FERMT3: variants seen among roughly 807,000 people sequenced by gnomAD.
FERMT3 encodes FERM domain containing kindlin 3.
FERMT3 carries 33 observed loss-of-function variants against 80.8 expected under a neutral mutation model. The ratio of observed to expected loss-of-function variants is 0.41; its 90% confidence interval spans 0.31 to 0.55. The LOEUF (loss-of-function observed/expected upper bound fraction) is 0.55. Among genes scored for constraint, FERMT3 ranks in the 20% least tolerant of loss-of-function variants. The pLI is 0.31. For synonymous variants in FERMT3, 375 were observed against 372.2 expected, an observed-to-expected ratio of 1.01 and a Z score of -0.09; for missense variants, 754 against 908.7, an observed-to-expected ratio of 0.83 and a Z score of 2.19.
chr11:64,221,439 G>C lies in FERMT3; in HGVS notation c.1670+299G>C, dbSNP rs138864042. On this transcript the variant is annotated intron_variant, in intron 13 of 14. Coordinates refer to ENST00000345728, the MANE Select transcript of FERMT3 (RefSeq NM_031471.6). ...AACCCAGGAGTTTGAGACCAGCCTG[G>C]GCAACACAGAAAGTCCCTCGTCTCT... Among the ~76,000 whole-genome samples, 617 of 151,916 alleles carry C rather than the reference G, an allele frequency of 4.1e-3. 2 individuals are homozygous for C. The highest frequency in any genetic ancestry group is 0.014 in the African/African-American group (595 of 41,412).
chr11:64,211,573 C>A lies in FERMT3; in HGVS notation c.684-72C>A. On this transcript the variant is annotated intron_variant, in intron 5 of 14. Transcript: ENST00000345728. The surrounding 1 kb of genome is among the most constrained non-coding windows in gnomAD (Gnocchi z 4.7). The stretch of plus-strand genomic sequence containing the variant: ...TTTTCTCTGTGTGTGCTTGTCCCCC[C>A]AGCCCAGCCCCCCTCCCCACCCCAC... 2.6e-6 allele frequency: 4 copies of A among 1,537,950 alleles called. No individual in the cohort carries two copies. The highest frequency in any genetic ancestry group is 1.9e-5 in the Admixed American group (1 of 52,904).
At chr11:64,221,993 C>T (rs1256027549) in intron 13 of FERMT3, among the ~76,000 whole-genome samples, 2 of 151,904 alleles carry the variant, frequency 1.3e-5, no homozygotes, top group East Asian at 3.9e-4. Flanking sequence ...AATCCTTGCA[C>T]TTTGGGAGAC....
In FERMT3 at chr11:64,207,422, G is replaced by A; in HGVS notation, c.58G>A (p.Val20Met). The change falls in exon 2 of 15, where the codon GTG (valine) becomes ATG (methionine). Residue 20 changes from valine (V) to methionine (M), a missense_variant. Val to Met is a conservative substitution (Grantham distance 21). Transcript: ENST00000345728. ...DYIDSSWELR[V>M]FVGEEDPEAE... ...CATCGACTCGTCATGGGAGCTGCGG[G>A]TGTTTGTGGGAGAGGAGGACCCAGA... 1 of 1,614,200 alleles carries A rather than the reference G, an allele frequency of 6.2e-7. No homozygotes were observed. Among genetic ancestry groups the A allele is most frequent in the South Asian group, 1.1e-5 (1 of 91,092 alleles).
chr11:64,209,702 G>A (rs1946394748), intron 2 of FERMT3, among the ~76,000 whole-genome samples: 1 of 152,202 alleles, frequency 6.6e-6, no homozygotes, highest in African/African-American at 2.4e-5. Context: ...GGCATGTGCA[G>A]CAGTGGGGTT....
At chr11:64,208,351 A>G (rs1728821438) in intron 2 of FERMT3, among the ~76,000 whole-genome samples, 1 of 152,154 alleles carries the variant, frequency 6.6e-6, no homozygotes, top group Admixed American at 6.5e-5. Context: ...GAGGGTGGTG[A>G]AGACCTGGGT....
At position 64,222,974 on chromosome 11, in the gene FERMT3, G is replaced by A. The variant is rs147320753; in HGVS notation, c.1671-74G>A. On this transcript the variant is annotated intron_variant, in intron 13 of 14. Transcript: ENST00000345728. ...TCGGGAAGGGCTGGCTCTCCAGCAC[G>A]GCGCCACATTGTCTGGGCGGGCTCT... The A allele has an allele frequency of 2.9e-4, 459 of 1,595,304 alleles. 1 individual carries two copies. Among genetic ancestry groups the A allele is most frequent in the Admixed American group, 8.0e-4 (48 of 59,752 alleles).
chr11:64,220,951 G>C (rs1946668268), intron 12 of FERMT3, 65 bp from the exon 13 acceptor site: 1 of 1,585,710 alleles, frequency 6.3e-7, no homozygotes, highest in South Asian at 1.1e-5. Context: ...TGGGGAGGTG[G>C]GGGCTCGGTG....
rs201857518 is a variant in FERMT3 at position 64,219,959 on chromosome 11, A to C, written c.1148A>C (p.Tyr383Ser). 11 of 1,613,780 alleles carry C rather than the reference A, an allele frequency of 6.8e-6. No homozygotes were observed. Among genetic ancestry groups the C allele is most frequent in the Non-Finnish European group, 9.3e-6 (11 of 1,179,964 alleles). ...GTGTTCAAGGAGACCACACTGTCCT[A>C]CTACAAGAGCCAGGACGAGGCCCCT... ...WVVFKETTLS[Y>S]YKSQDEAPGD... The change falls in exon 10 of 15, where the codon TAC (tyrosine) becomes TCC (serine). Residue 383 changes from tyrosine to serine, a missense_variant. Coordinates refer to ENST00000345728, the MANE Select transcript of FERMT3 (RefSeq NM_031471.6). The surrounding 1 kb of genome is among the most constrained non-coding windows in gnomAD (Gnocchi z 4.0).
At position 64,220,480 on chromosome 11, in the gene FERMT3, C is replaced by T; in HGVS notation, c.1356C>T (p.Ser452=). Residue 452 remains serine, a synonymous_variant, in exon 12 of 15, where the codon TCC becomes TCT. Transcript: ENST00000345728. ...ARWMAGCRLA[S]KGRTMADSSY... ...GGATGGCTGGCTGCCGCCTGGCCTC[C>T]AAAGGCCGCACCATGGCCGACAGCA... 1 of 1,609,646 alleles carries T rather than the reference C, an allele frequency of 6.2e-7. No homozygotes were observed. The highest frequency in any genetic ancestry group is 8.5e-7 in the Non-Finnish European group (1 of 1,178,546).
At chr11:64,214,189 G>A (rs1216821032) in intron 6 of FERMT3, among the ~76,000 whole-genome samples, 2 of 49,702 alleles carry the variant, frequency 4.0e-5, no homozygotes, top group East Asian at 1.0e-3. Context: ...TTTTTTTTGA[G>A]ATGAGTTTTG....
chr11:64,222,586 G>A (rs916973815), intron 13 of FERMT3, among the ~76,000 whole-genome samples: 13 of 138,706 alleles, frequency 9.4e-5, no homozygotes, highest in East Asian at 2.0e-4. Flanking sequence ...AAAAAAAAAA[G>A]AGATTTCAGG....
Position 64,211,459 on chromosome 11 carries a change from A to G in FERMT3, c.683+16A>G. 1 of 1,572,100 alleles carries G rather than the reference A, an allele frequency of 6.4e-7. No homozygotes were observed. The highest frequency in any genetic ancestry group is 8.6e-7 in the Non-Finnish European group (1 of 1,163,520). On this transcript the variant is annotated intron_variant, in intron 5 of 14. Coordinates refer to ENST00000345728, the MANE Select transcript of FERMT3 (RefSeq NM_031471.6). This position sits in a 1 kb window ranked among gnomAD's most constrained non-coding sequence, Gnocchi z 4.7. The stretch of plus-strand genomic sequence containing the variant: ...TCCACAGCAGGTGCACCCAGGAGCC[A>G]CGCCCCCTGTGTCAGGGCTCCCCCA...
rs1262271325 is a variant in FERMT3 at position 64,211,551 on chromosome 11, T to C, written c.684-94T>C. On this transcript the variant is annotated intron_variant, in intron 5 of 14. Coordinates refer to ENST00000345728, the MANE Select transcript of FERMT3 (RefSeq NM_031471.6). The surrounding 1 kb of genome is among the most constrained non-coding windows in gnomAD (Gnocchi z 4.7). ...ATCCACACTTCGTTTCCAGGCCTTT[T>C]CTCTGTGTGTGCTTGTCCCCCCAGC... 3 of 1,509,262 alleles carry C rather than the reference T, an allele frequency of 2.0e-6. No homozygotes were observed. Among genetic ancestry groups the C allele is most frequent in the Non-Finnish European group, 2.7e-6 (3 of 1,116,050 alleles). 93.5% of individuals were successfully genotyped at this position (1,509,262 alleles called of 1,614,324 possible).
At chr11:64,215,534 C>T (rs1946531554) in intron 6 of FERMT3, among the ~76,000 whole-genome samples, 1 of 152,132 alleles carries the variant, frequency 6.6e-6, no homozygotes, top group Non-Finnish European at 1.5e-5. Flanking sequence ...TCATAAACAG[C>T]AGCTCTTTAT....
intron 6 of FERMT3, among the ~76,000 whole-genome samples, chr11:64,216,948 A>G (rs1946565951): frequency 6.6e-6 from 1 of 151,840 alleles, no homozygotes; most frequent in Non-Finnish European, 1.5e-5. Flanking sequence ...CTTGGTCTCT[A>G]TGGTTCACTC....
chr11:64,216,317 C>T (rs1386960310), intron 6 of FERMT3, among the ~76,000 whole-genome samples: 1 of 151,304 alleles, frequency 6.6e-6, no homozygotes, highest in Non-Finnish European at 1.5e-5. Context: ...CTGCCTCAGC[C>T]TTCCGAGCAG....
At position 64,216,231 on chromosome 11, in the gene FERMT3, C is replaced by T. The variant is rs1336201748; in HGVS notation, c.787-3020C>T. Among the ~76,000 whole-genome samples, 16 of 134,028 alleles carry T rather than the reference C, an allele frequency of 1.2e-4. No individual in the cohort carries two copies. In the East Asian group the frequency reaches 3.4e-3, roughly 28 times the overall value. 87.9% of individuals were successfully genotyped at this position (134,028 alleles called of 152,430 possible). A position where few individuals can be genotyped will look rare whatever the true frequency, so the allele number is the denominator to read the frequency against. On this transcript the variant is annotated intron_variant, in intron 6 of 14. Transcript: ENST00000345728. The stretch of plus-strand genomic sequence containing the variant: ...TTTTTTTTTGAGATGGAGTCTTCTT[C>T]TGTCACCCAGGCTGGAGTGCAATGG...
chr11:64,211,852 G>A lies in FERMT3; in HGVS notation c.786+105G>A, dbSNP rs1291647616. ...GTTAGTGACTTGTAGTGGCCTGTCCGTCTGCCCGTTTGTCCATCCACACCT... is the reference window on the plus strand; with the variant it reads ...GTTAGTGACTTGTAGTGGCCTGTCCATCTGCCCGTTTGTCCATCCACACCT... On this transcript the variant is annotated intron_variant, in intron 6 of 14. Coordinates refer to ENST00000345728, the MANE Select transcript of FERMT3 (RefSeq NM_031471.6). The surrounding 1 kb of genome is among the most constrained non-coding windows in gnomAD (Gnocchi z 4.7). The A allele has an allele frequency of 7.3e-6, 8 of 1,103,086 alleles. No individual in the cohort carries two copies. Among genetic ancestry groups the A allele is most frequent in the Admixed American group, 5.7e-5 (3 of 52,574 alleles). 68.3% of individuals were successfully genotyped at this position (1,103,086 alleles called of 1,614,324 possible).
chr11:64,221,165 GC>G, intron 13 of FERMT3, 25 bp downstream of exon 13: 1 of 1,602,468 alleles, frequency 6.2e-7, no homozygotes. Flanking sequence ...CCAGCCCCCT[GC>G]CCAGCACCGT....
Sources: gnomAD v4.1 joint callset for allele counts (sites outside exome capture counted in the v4.1 genomes callset) on GRCh38, gnomAD v4.1.1 for gene constraint, Gnocchi (gnomAD v3.1) non-coding constraint, MANE v1.5 for transcripts, NCBI Gene and HGNC (gene_info 2026-07-23, HGNC 2026-07-21) for gene names.